The following ENPP2 variants were observed in gnomAD, a reference collection of about 807,000 sequenced individuals.
The protein encoded by ENPP2 is autotaxin.
ENPP2 carries 51 observed loss-of-function variants against 120.2 expected under a neutral mutation model. That is an observed-to-expected ratio of 0.42 (90% CI 0.34 to 0.54). ENPP2 has a LOEUF of 0.54. Ranked by LOEUF, ENPP2 falls within the 20% of genes least tolerant of loss-of-function variation. The pLI is 0.04. For synonymous variants in ENPP2, 365 were observed against 366.4 expected, an observed-to-expected ratio of 1.00 and a Z score of 0.04; for missense variants, 920 against 1,066.5, an observed-to-expected ratio of 0.86 and a Z score of 1.91.
chr8:119,669,744 T>C (rs1475158985), intron 1 of ENPP2, among the ~76,000 whole-genome samples: 1 of 152,208 alleles, frequency 6.6e-6, no homozygotes, highest in Non-Finnish European at 1.5e-5. Context: ...CTGCATTTTT[T>C]TCTGAGAAGA....
At chr8:119,592,403 G>T (rs1813570598) in intron 12 of ENPP2, among the ~76,000 whole-genome samples, 1 of 150,542 alleles carries the variant, frequency 6.6e-6, no homozygotes, top group South Asian at 2.1e-4. Flanking sequence ...AACCCGGGAG[G>T]TGGAGGTTGC....
At chr8:119,627,562 T>G (rs961002785) in intron 2 of ENPP2, among the ~76,000 whole-genome samples, 14 of 151,988 alleles carry the variant, frequency 9.2e-5, no homozygotes, top group Admixed American at 8.5e-4. Context: ...AAAAAAAAAT[T>G]TTTAAGATCT....
chr8:119,577,379 T>C (rs1406708234), intron 19 of ENPP2, among the ~76,000 whole-genome samples: 2 of 152,140 alleles, frequency 1.3e-5, no homozygotes, highest in African/African-American at 2.4e-5. Context: ...GGGCAGACAC[T>C]GAATATTTTA....
chr8:119,644,081 G>A (rs949687078), intron 1 of ENPP2, among the ~76,000 whole-genome samples: 6 of 152,074 alleles, frequency 3.9e-5, no homozygotes, highest in Non-Finnish European at 7.4e-5. Context: ...TGGGGCCTCC[G>A]AGGTCATGTT....
chr8:119,630,119 T>A (rs1816559765), intron 2 of ENPP2, among the ~76,000 whole-genome samples: 1 of 152,086 alleles, frequency 6.6e-6, no homozygotes, highest in Non-Finnish European at 1.5e-5. Context: ...CTTTCTTTTT[T>A]TTTTTTGAGA....
At chr8:119,566,847 T>G (rs1173052232) in intron 22 of ENPP2, among the ~76,000 whole-genome samples, 1 of 152,230 alleles carries the variant, frequency 6.6e-6, no homozygotes, top group East Asian at 1.9e-4. Context: ...CTGAAATGCT[T>G]CTCAGTTGGG....
At chr8:119,664,557 G>A (rs1818016304) in intron 1 of ENPP2, among the ~76,000 whole-genome samples, 1 of 152,218 alleles carries the variant, frequency 6.6e-6, no homozygotes. Context: ...TGTACTGAGT[G>A]TTACCAGCTG....
At chr8:119,564,524 A>G (rs1418183032) in intron 23 of ENPP2, among the ~76,000 whole-genome samples, 1 of 151,954 alleles carries the variant, frequency 6.6e-6, no homozygotes, top group Non-Finnish European at 1.5e-5. Context: ...CTAAAAATAC[A>G]AAAATTAGCT....
chr8:119,601,855 G>A (rs1407592995), intron 9 of ENPP2, among the ~76,000 whole-genome samples: 1 of 152,168 alleles, frequency 6.6e-6, no homozygotes, highest in Non-Finnish European at 1.5e-5. Context: ...TGCTGGCGGT[G>A]TGACCTCTCT....
intron 2 of ENPP2, among the ~76,000 whole-genome samples, chr8:119,629,100 T>C (rs1816478280): frequency 6.6e-6 from 1 of 152,160 alleles, no homozygotes; most frequent in Admixed American, 6.5e-5. Flanking sequence ...CTGTATAATA[T>C]ATGTCTGTGT....
intron 17 of ENPP2, 117 bp from the exon 18 acceptor site, chr8:119,582,719 T>C (rs1361114243): frequency 2.0e-5 from 15 of 748,172 alleles, no homozygotes; most frequent in Non-Finnish European, 2.9e-5. Flanking sequence ...AAATCAGAAC[T>C]GGACAAAACC....
chr8:119,569,702 C>G (rs11782782), intron 20 of ENPP2, among the ~76,000 whole-genome samples: 22,996 of 150,700 alleles, frequency 0.15, 2,122 homozygotes, highest in African/African-American at 0.25. Context: ...AACACTCTTA[C>G]AAACAATATA....
intron 3 of ENPP2, among the ~76,000 whole-genome samples, chr8:119,624,441 T>C (rs1343977413): frequency 1.3e-5 from 2 of 152,134 alleles, no homozygotes; most frequent in Non-Finnish European, 2.9e-5. Flanking sequence ...AGTAGAAACA[T>C]AAACTTTCAG....
intron 3 of ENPP2, among the ~76,000 whole-genome samples, chr8:119,624,936 A>G (rs537930584): frequency 6.6e-6 from 1 of 152,304 alleles, no homozygotes; most frequent in Admixed American, 6.5e-5. Context: ...CACATTCAGG[A>G]TATGTTATCT....
intron 18 of ENPP2, chr8:119,580,391 T>C: frequency 1.8e-6 from 1 of 564,876 alleles, no homozygotes. Flanking sequence ...TCAATCTCTG[T>C]TTCCTTCCTT....
At chr8:119,618,782 G>A (rs538152323) in intron 5 of ENPP2, among the ~76,000 whole-genome samples, 1 of 151,782 alleles carries the variant, frequency 6.6e-6, no homozygotes, top group South Asian at 2.1e-4. Context: ...TGATATGCCC[G>A]CCTCAGCCTC....
chr8:119,651,181 G>C (rs569019127), intron 1 of ENPP2, among the ~76,000 whole-genome samples: 9 of 152,096 alleles, frequency 5.9e-5, no homozygotes, highest in Admixed American at 4.6e-4. Flanking sequence ...TTTTTAAGTT[G>C]ATAAAGAGGG....
At chr8:119,597,341 G>A (rs892170880) in intron 11 of ENPP2, among the ~76,000 whole-genome samples, 3 of 152,184 alleles carry the variant, frequency 2.0e-5, no homozygotes, top group African/African-American at 7.2e-5. Flanking sequence ...TATGCCATTT[G>A]CAAGAGACCT....
chr8:119,633,385 T>C (rs1012601064), intron 2 of ENPP2, among the ~76,000 whole-genome samples: 1 of 152,188 alleles, frequency 6.6e-6, no homozygotes, highest in African/African-American at 2.4e-5. Context: ...CCTTGGTTCT[T>C]AGCCCAGGTA....
Sources: gnomAD v4.1 joint callset for allele counts (sites outside exome capture counted in the v4.1 genomes callset) on GRCh38, gnomAD v4.1.1 for gene constraint, MANE v1.5 for transcripts, NCBI Gene and HGNC (gene_info 2026-07-23, HGNC 2026-07-21) for gene names.